RPS6KC1: variants seen among roughly 807,000 people sequenced by gnomAD.
The protein encoded by RPS6KC1 is ribosomal protein S6 kinase C1, also known as inactive ribosomal protein S6 kinase delta-1.
Under a neutral mutation model 103.8 loss-of-function variants are expected in RPS6KC1, and 54 were observed. That is an observed-to-expected ratio of 0.52 (90% CI 0.42 to 0.65). The LOEUF is 0.65. Among genes scored for constraint, RPS6KC1 ranks in the 30% least tolerant of loss-of-function variants. The pLI, the probability that RPS6KC1 is intolerant of heterozygous loss-of-function variation, is 0.00. For missense variants in RPS6KC1, 1,151 were observed against 1,253.8 expected, an observed-to-expected ratio of 0.92 and a Z score of 1.24; for synonymous variants, 439 against 438.7, an observed-to-expected ratio of 1.00 and a Z score of -0.01.
the RPS6KC1 span, among the ~76,000 whole-genome samples, chr1:213,406,720 C>G: frequency 6.6e-6 from 1 of 152,242 alleles, no homozygotes; most frequent in Non-Finnish European, 1.5e-5. Flanking sequence ...AAATACCTGA[C>G]AGCCCTTTAA....
At chr1:213,235,562 A>G (rs2094203411) in intron 10 of RPS6KC1, among the ~76,000 whole-genome samples, 1 of 152,056 alleles carries the variant, frequency 6.6e-6, no homozygotes, top group Non-Finnish European at 1.5e-5. Context: ...AGCATTGTGG[A>G]TATGTAAGGA....
chr1:213,670,825 C>G, the RPS6KC1 span, among the ~76,000 whole-genome samples: 303 of 152,314 alleles, frequency 2.0e-3, 1 homozygote, highest in African/African-American at 7.1e-3. Context: ...CAGGGCTGGT[C>G]AGCCTCCAGT....
the RPS6KC1 span, among the ~76,000 whole-genome samples, chr1:213,357,410 AG>A: frequency 1.3e-5 from 2 of 152,220 alleles, no homozygotes; most frequent in African/African-American, 4.8e-5. Flanking sequence ...AGAGGGGGTA[AG>A]GATGTTGGAA....
the RPS6KC1 span, among the ~76,000 whole-genome samples, chr1:213,542,489 A>G: frequency 1.5e-4 from 23 of 152,272 alleles, no homozygotes; most frequent in East Asian, 4.1e-3. Context: ...TCCTATCTCC[A>G]GCTTTGGTTG....
chr1:213,565,368 A>G, the RPS6KC1 span, among the ~76,000 whole-genome samples: 1 of 152,234 alleles, frequency 6.6e-6, no homozygotes, highest in Non-Finnish European at 1.5e-5. Flanking sequence ...GAGGCCAGAT[A>G]TCCACCAGCA....
intron 6 of RPS6KC1, among the ~76,000 whole-genome samples, chr1:213,165,121 G>A (rs1031433780): frequency 2.6e-5 from 4 of 151,852 alleles, no homozygotes; most frequent in African/African-American, 7.3e-5. Context: ...ACCTGAATAA[G>A]CATTCAGGAG....
chr1:213,842,090 T>C, the RPS6KC1 span: 1 of 152,286 alleles, frequency 6.6e-6, no homozygotes, highest in African/African-American at 2.4e-5. Context: ...AAGGGCTCTG[T>C]CCTCAGGAGG....
At chr1:213,755,938 C>T in the RPS6KC1 span, among the ~76,000 whole-genome samples, 1 of 152,182 alleles carries the variant, frequency 6.6e-6, no homozygotes, top group South Asian at 2.1e-4. Flanking sequence ...ATTTACCATC[C>T]TGAAGCAAAC....
intron 6 of RPS6KC1, among the ~76,000 whole-genome samples, chr1:213,131,421 T>C (rs2085597430): frequency 6.7e-6 from 1 of 148,888 alleles, no homozygotes; most frequent in Admixed American, 6.7e-5. Context: ...ACCCTAATTT[T>C]ATTTTTCAAA....
At chr1:213,704,239 T>C in the RPS6KC1 span, among the ~76,000 whole-genome samples, 1 of 150,856 alleles carries the variant, frequency 6.6e-6, no homozygotes, top group Non-Finnish European at 1.5e-5. Context: ...TACAAAAAAT[T>C]AGCCGGGCGA....
the RPS6KC1 span, among the ~76,000 whole-genome samples, chr1:213,615,958 C>T: frequency 6.6e-6 from 1 of 152,194 alleles, no homozygotes; most frequent in Admixed American, 6.5e-5. Flanking sequence ...AAAGGAAGGC[C>T]AGCCAGTTGA....
In RPS6KC1 at chr1:213,153,141, G is replaced by T. The variant is rs2089433930; in HGVS notation, c.836-14717G>T. 3.3e-5 allele frequency among the ~76,000 whole-genome samples: 5 copies of T among 152,226 alleles called. No homozygotes were observed. In the South Asian group the frequency reaches 1.0e-3, roughly 31 times the overall value. On this transcript the variant is annotated intron_variant, in intron 6 of 14. Coordinates refer to ENST00000366960, the MANE Select transcript of RPS6KC1 (RefSeq NM_012424.6). ...GCACTCGGCAGGCTGAGTCAGGAGAGTCAGGCAGGGAGGTTGCAGTGAGCC... is the reference window on the plus strand; with the variant it reads ...GCACTCGGCAGGCTGAGTCAGGAGATTCAGGCAGGGAGGTTGCAGTGAGCC...
chr1:213,070,125 T>C (rs2078733257), intron 1 of RPS6KC1, among the ~76,000 whole-genome samples: 1 of 152,132 alleles, frequency 6.6e-6, no homozygotes, highest in Non-Finnish European at 1.5e-5. Context: ...TTCTCACATG[T>C]TGTGTCCGAG....
the RPS6KC1 span, among the ~76,000 whole-genome samples, chr1:213,861,417 C>T: frequency 1.3e-5 from 2 of 152,132 alleles, no homozygotes; most frequent in South Asian, 2.1e-4. Flanking sequence ...AGGCTCTGTC[C>T]CCTCTCTCAA....
At chr1:213,287,830 A>G in the RPS6KC1 span, among the ~76,000 whole-genome samples, 2 of 152,222 alleles carry the variant, frequency 1.3e-5, no homozygotes, top group Admixed American at 6.5e-5. Context: ...GGCTAGCACC[A>G]CTGGGGCTCT....
At chr1:213,243,636 A>G (rs1478069889) in intron 12 of RPS6KC1, among the ~76,000 whole-genome samples, 1 of 152,206 alleles carries the variant, frequency 6.6e-6, no homozygotes, top group Non-Finnish European at 1.5e-5. Flanking sequence ...TTTCTCAGTC[A>G]TCAGTGCAGA....
the RPS6KC1 span, among the ~76,000 whole-genome samples, chr1:213,388,065 C>T: frequency 6.6e-6 from 1 of 152,240 alleles, no homozygotes; most frequent in Admixed American, 6.5e-5. Context: ...AACTGCTGGC[C>T]CTCCTGGGCC....
the RPS6KC1 span, among the ~76,000 whole-genome samples, chr1:213,587,168 A>G: frequency 6.6e-6 from 1 of 152,182 alleles, no homozygotes; most frequent in Admixed American, 6.5e-5. Flanking sequence ...AGCCCGAAGC[A>G]GGCATGGAAG....
At chr1:213,069,489 AG>A (rs2078673293) in intron 1 of RPS6KC1, among the ~76,000 whole-genome samples, 1 of 152,208 alleles carries the variant, frequency 6.6e-6, no homozygotes, top group African/African-American at 2.4e-5. Context: ...AACCTGTAAG[AG>A]GAACTGTAAT....
Sources: allele counts gnomAD v4.1 joint callset (sites outside exome capture counted in the v4.1 genomes callset), GRCh38; gene constraint gnomAD v4.1.1; transcripts MANE v1.5; gene names NCBI Gene and HGNC (gene_info 2026-07-23, HGNC 2026-07-21).